The following ADARB2 variants were observed in gnomAD, a reference collection of about 807,000 sequenced individuals.
ADARB2 encodes adenosine deaminase RNA specific B2 (inactive).
Under a neutral mutation model 62.2 loss-of-function variants are expected in ADARB2, and 25 were observed. The ratio of observed to expected loss-of-function variants is 0.40; its 90% confidence interval spans 0.29 to 0.56. The LOEUF (loss-of-function observed/expected upper bound fraction) is 0.56. ADARB2 is among the 20% of genes least tolerant of loss of function. The pLI, the probability that ADARB2 is intolerant of heterozygous loss-of-function variation, is 0.43. For missense variants in ADARB2, 1,071 were observed against 1,077.4 expected (o/e 0.99, Z 0.08); for synonymous variants, 572 against 500.8 (o/e 1.14, Z -1.90).
At chr10:1,280,182 A>G (rs1410924879) in intron 3 of ADARB2, among the ~76,000 whole-genome samples, 1 of 152,176 alleles carries the variant, frequency 6.6e-6, no homozygotes, top group Non-Finnish European at 1.5e-5. Flanking sequence ...CTTAACCTGA[A>G]CTACTTCCTT....
rs145032238 is a variant in ADARB2, at chr10:1,725,237, C to T, written c.100+11814G>A. Among the ~76,000 whole-genome samples, 114 of 152,246 alleles carry T rather than the reference C, an allele frequency of 7.5e-4. No individual in the cohort carries two copies. In the East Asian group the frequency reaches 0.021, roughly 28 times the overall value. On this transcript the variant is annotated intron_variant, in intron 1 of 9. Coordinates refer to ENST00000381312, the MANE Select transcript of ADARB2 (RefSeq NM_018702.4). ...TGAATTTTTAGTGAATATATTTTGC[C>T]TGGAATGTGAGTAAAGGGGCACGTC... is the stretch of plus-strand genomic sequence containing the variant.
intron 1 of ADARB2, among the ~76,000 whole-genome samples, chr10:1,435,092 G>A (rs1429350328): frequency 6.6e-6 from 1 of 152,234 alleles, no homozygotes; most frequent in Non-Finnish European, 1.5e-5. Context: ...CTGGGAGGCC[G>A]TGGAGCACGA....
chr10:1,186,189 T>TA (rs1836755741), intron 8 of ADARB2, among the ~76,000 whole-genome samples: 1 of 152,246 alleles, frequency 6.6e-6, no homozygotes, highest in African/African-American at 2.4e-5. Flanking sequence ...GAATACAGGC[T>TA]ATGGGACGCC....
intron 1 of ADARB2, among the ~76,000 whole-genome samples, chr10:1,734,831 T>G (rs1391069150): frequency 6.6e-6 from 1 of 152,236 alleles, no homozygotes; most frequent in East Asian, 1.9e-4. Flanking sequence ...GTTATTCTAT[T>G]CATTTATGGT....
intron 1 of ADARB2, among the ~76,000 whole-genome samples, chr10:1,670,280 A>C (rs1361052145): frequency 2.0e-5 from 3 of 152,148 alleles, no homozygotes; most frequent in African/African-American, 7.2e-5. Context: ...TTGCATCAAG[A>C]TTTCCTTCCT....
chr10:1,381,040 ATGT>A (rs374444914), intron 1 of ADARB2, among the ~76,000 whole-genome samples: 31 of 152,360 alleles, frequency 2.0e-4, no homozygotes, highest in African/African-American at 7.2e-4. Context: ...TTACTTTCTG[ATGT>A]TGTTAGATTT....
chr10:1,330,855 T>G (rs1252224790), intron 3 of ADARB2, among the ~76,000 whole-genome samples: 1 of 152,220 alleles, frequency 6.6e-6, no homozygotes, highest in East Asian at 1.9e-4. Context: ...ATATATCTGA[T>G]GAGGCACTGA....
intron 3 of ADARB2, among the ~76,000 whole-genome samples, chr10:1,282,036 C>T (rs1349838594): frequency 6.6e-6 from 1 of 152,182 alleles, no homozygotes; most frequent in East Asian, 1.9e-4. Flanking sequence ...CCCATGACGG[C>T]TTCAGCAAGT....
intron 1 of ADARB2, among the ~76,000 whole-genome samples, chr10:1,724,365 T>G (rs1006196492): frequency 6.6e-6 from 1 of 152,178 alleles, no homozygotes; most frequent in African/African-American, 2.4e-5. Context: ...CGAAGGACAC[T>G]CTCACAGGAT....
At chr10:1,548,890 A>G (rs902485996) in intron 1 of ADARB2, among the ~76,000 whole-genome samples, 2 of 152,172 alleles carry the variant, frequency 1.3e-5, no homozygotes, top group Non-Finnish European at 2.9e-5. Context: ...GTGAGTGGCC[A>G]GAGTGTGAGG....
At chr10:1,423,641 C>A (rs1564285849) in intron 1 of ADARB2, among the ~76,000 whole-genome samples, 1 of 151,978 alleles carries the variant, frequency 6.6e-6, no homozygotes, top group Non-Finnish European at 1.5e-5. Context: ...ACTATGTATG[C>A]AGTAAGATCA....
intron 1 of ADARB2, among the ~76,000 whole-genome samples, chr10:1,414,843 T>A (rs1440633004): frequency 6.6e-6 from 1 of 152,164 alleles, no homozygotes; most frequent in Non-Finnish European, 1.5e-5. Flanking sequence ...GAGAGACAGC[T>A]GGCTAGGTGG....
chr10:1,674,668 A>G (rs541262851), intron 1 of ADARB2, among the ~76,000 whole-genome samples: 36 of 152,288 alleles, frequency 2.4e-4, no homozygotes, highest in Admixed American at 1.6e-3. Context: ...CGTGTGATGC[A>G]TCTCCTCTAC....
At chr10:1,403,036 G>A (rs902799295) in intron 1 of ADARB2, among the ~76,000 whole-genome samples, 2 of 149,468 alleles carry the variant, frequency 1.3e-5, no homozygotes, top group East Asian at 4.1e-4. Flanking sequence ...GGGCAGGTGC[G>A]CTCGTGCGCC....
intron 1 of ADARB2, among the ~76,000 whole-genome samples, chr10:1,496,075 TATC>T (rs1564307933): frequency 6.6e-6 from 1 of 150,944 alleles, no homozygotes; most frequent in Admixed American, 6.6e-5. Context: ...CCATCACTAT[TATC>T]ATCGTCATCA....
rs115283451 is a variant in ADARB2 at position 1,722,254 on chromosome 10, A to G, written c.100+14797T>C. ...CACTGGTCACTTAGAGTGAGTTCAA[A>G]TGTCCTGGCTATTATTGTGCATGCA... On this transcript the variant is annotated intron_variant, in intron 1 of 9. Coordinates refer to ENST00000381312, the MANE Select transcript of ADARB2 (RefSeq NM_018702.4). Among the ~76,000 whole-genome samples, 270 of 152,358 alleles carry G rather than the reference A, an allele frequency of 1.8e-3. 2 individuals carry two copies. The highest frequency in any genetic ancestry group is 6.0e-3 in the African/African-American group (251 of 41,584).
chr10:1,192,795 T>A (rs1836860230), intron 8 of ADARB2, among the ~76,000 whole-genome samples: 1 of 152,064 alleles, frequency 6.6e-6, no homozygotes, highest in Non-Finnish European at 1.5e-5. Context: ...CAAAAAAAAA[T>A]TAGCCAGCCT....
intron 1 of ADARB2, among the ~76,000 whole-genome samples, chr10:1,530,139 C>A (rs1832210536): frequency 6.6e-6 from 1 of 152,228 alleles, no homozygotes; most frequent in African/African-American, 2.4e-5. Context: ...CCACCTTGGG[C>A]ACCCGTCCAC....
chr10:1,577,687 A>T (rs940824496), intron 1 of ADARB2, among the ~76,000 whole-genome samples: 1 of 152,148 alleles, frequency 6.6e-6, no homozygotes, highest in Non-Finnish European at 1.5e-5. Context: ...CAGCCCCACC[A>T]TCCCTGCCGC....
Sources: allele counts gnomAD v4.1 joint callset (sites outside exome capture counted in the v4.1 genomes callset), GRCh38; gene constraint gnomAD v4.1.1; transcripts MANE v1.5; gene names NCBI Gene and HGNC (gene_info 2026-07-23, HGNC 2026-07-21).